CFAP43: variants seen among roughly 807,000 people sequenced by gnomAD.
CFAP43 encodes cilia- and flagella-associated protein 43.
CFAP43 carries 155 observed loss-of-function variants against 218.9 expected under a neutral mutation model. That is an observed-to-expected ratio of 0.71 (90% CI 0.62 to 0.81). The LOEUF is 0.81. Ranked by LOEUF, CFAP43 falls within the 30% of genes least tolerant of loss-of-function variation. The probability of loss-of-function intolerance (pLI) is 0.00; values close to 1 mark genes in which losing one functional copy is unlikely to be tolerated. For synonymous variants in CFAP43, 645 were observed against 681.3 expected, an observed-to-expected ratio of 0.95 and a Z score of 0.83; for missense variants, 1,778 against 1,954.3, an observed-to-expected ratio of 0.91 and a Z score of 1.70.
At chr10:104,185,785 T>C (rs1168455132) in intron 15 of CFAP43, among the ~76,000 whole-genome samples, 189 bp downstream of exon 15, 2 of 152,124 alleles carry the variant, frequency 1.3e-5, no homozygotes, top group Non-Finnish European at 2.9e-5. Flanking sequence ...TATAAAAGAG[T>C]ATTCTGTGAA....
chr10:104,130,478 C>T (rs2087127860), intron 37 of CFAP43, among the ~76,000 whole-genome samples, 173 bp from the exon 38 acceptor site: 1 of 152,132 alleles, frequency 6.6e-6, no homozygotes, highest in Admixed American at 6.6e-5. Flanking sequence ...CCTAGGTGCC[C>T]CATCAACAGT....
intron 13 of CFAP43, among the ~76,000 whole-genome samples, chr10:104,188,044 C>G (rs2090086916): frequency 6.6e-6 from 1 of 152,152 alleles, no homozygotes; most frequent in Non-Finnish European, 1.5e-5. Flanking sequence ...TCCGTTGATC[C>G]TATCTCTTTT....
chr10:104,162,208 G>A (rs1200844244), intron 25 of CFAP43, 109 bp downstream of exon 25: 4 of 1,254,834 alleles, frequency 3.2e-6, no homozygotes, highest in Non-Finnish European at 4.7e-6. Flanking sequence ...TGAGATTCAA[G>A]TGACCTCTGA....
intron 19 of CFAP43, among the ~76,000 whole-genome samples, chr10:104,173,195 A>C (rs986071777): frequency 1.3e-5 from 2 of 152,272 alleles, no homozygotes; most frequent in African/African-American, 4.8e-5. Context: ...TGGTAGACTG[A>C]GAATGAGTTT....
intron 18 of CFAP43, 105 bp downstream of exon 18, chr10:104,179,735 G>A: frequency 1.2e-6 from 1 of 837,338 alleles, no homozygotes; most frequent in Non-Finnish European, 2.0e-6. Context: ...GCCAAGTGGT[G>A]TCTCATTCCA....
At chr10:104,150,536 A>C (rs1470799543) in intron 28 of CFAP43, among the ~76,000 whole-genome samples, 1 of 152,164 alleles carries the variant, frequency 6.6e-6, no homozygotes, top group Non-Finnish European at 1.5e-5. Context: ...ATTTAAATGT[A>C]ACCTTTTCAG....
At chr10:104,144,025 A>G (rs899626084) in intron 31 of CFAP43, among the ~76,000 whole-genome samples, 1 of 152,186 alleles carries the variant, frequency 6.6e-6, no homozygotes, top group Admixed American at 6.5e-5. Flanking sequence ...GTTTTTATCT[A>G]CATTAATAGA....
chr10:104,187,214 A>T, intron 14 of CFAP43, 106 bp downstream of exon 14: 1 of 859,650 alleles, frequency 1.2e-6, no homozygotes, highest in Non-Finnish European at 1.6e-6. Context: ...GGCATTTGTT[A>T]ACTGAACTAT....
intron 9 of CFAP43, 57 bp downstream of exon 9, chr10:104,197,865 A>C: frequency 8.2e-7 from 1 of 1,226,284 alleles, no homozygotes; most frequent in Non-Finnish European, 1.2e-6. Context: ...GGGGATTTAA[A>C]TCTTGCAACA....
At chr10:104,133,979 A>C (rs1408402575) in intron 34 of CFAP43, among the ~76,000 whole-genome samples, 195 bp from the exon 35 acceptor site, 3 of 152,222 alleles carry the variant, frequency 2.0e-5, no homozygotes, top group Non-Finnish European at 2.9e-5. Context: ...ACTAAACAGA[A>C]GGGATTATAA....
intron 19 of CFAP43, among the ~76,000 whole-genome samples, chr10:104,176,190 G>A (rs1002004639): frequency 4.6e-5 from 7 of 152,076 alleles, no homozygotes; most frequent in African/African-American, 1.7e-4. Flanking sequence ...ACAGAGTCCA[G>A]CAACAATCCT....
chr10:104,219,262 G>A (rs762902228), intron 3 of CFAP43, among the ~76,000 whole-genome samples: 5 of 152,004 alleles, frequency 3.3e-5, no homozygotes, highest in Non-Finnish European at 5.9e-5. Flanking sequence ...TATTTAGTCA[G>A]TTACAAGTCT....
Position 104,172,418 on chromosome 10 carries a change from C to T in CFAP43, c.2578G>A (p.Val860Met). 6.2e-7 allele frequency: 1 copy of T among 1,608,086 alleles called. No homozygotes were observed. The highest frequency in any genetic ancestry group is 8.5e-7 in the Non-Finnish European group (1 of 1,178,594). ...ERLHDESQEE[V>M]AKMIKDVEMH... ...ATTATACTTTTTCATACCTTTGCCA[C>T]TTCTTCCTGACTTTCATCATGAAGC... is the stretch of plus-strand genomic sequence containing the variant. Residue 860 changes from valine to methionine, a missense_variant, in exon 20 of 38, where the codon GTG becomes ATG. Val to Met is a conservative substitution (Grantham distance 21). Coordinates refer to ENST00000357060, the MANE Select transcript of CFAP43 (RefSeq NM_025145.7).
intron 8 of CFAP43, among the ~76,000 whole-genome samples, chr10:104,202,532 T>A (rs1173230469): frequency 2.0e-5 from 3 of 152,214 alleles, no homozygotes; most frequent in African/African-American, 7.2e-5. Context: ...TTCACTGTAT[T>A]GTTCTTATCT....
Position 104,214,276 on chromosome 10 carries a change from C to T in CFAP43, c.567G>A (p.Glu189=), listed in dbSNP as rs760780941. The T allele has an allele frequency of 1.3e-6, 2 of 1,593,128 alleles. No homozygotes were observed. The highest frequency in any genetic ancestry group is 1.7e-6 in the Non-Finnish European group (2 of 1,171,136). Residue 189 remains glutamate, a synonymous_variant, in exon 4 of 38, where the codon GAG becomes GAA. Transcript: ENST00000357060. ...GCTCCTACCTTGCTCTGAAACAATG[C>T]TCCTGGTTACTTCTTTCAATGGTCC... is the stretch of plus-strand genomic sequence containing the variant. ...SVWTIERSNQ[E]HCFRARSVKL... is the part of the protein sequence containing the mutation.
intron 34 of CFAP43, 31 bp from the exon 35 acceptor site, chr10:104,133,815 A>G: frequency 1.9e-6 from 3 of 1,551,324 alleles, no homozygotes; most frequent in Non-Finnish European, 2.6e-6. Flanking sequence ...TATCCATATA[A>G]TATGATTCTG....
At chr10:104,221,679 C>T (rs2091185656) in intron 3 of CFAP43, among the ~76,000 whole-genome samples, 2 of 152,186 alleles carry the variant, frequency 1.3e-5, no homozygotes, top group African/African-American at 4.8e-5. Context: ...CTTTTGTTTT[C>T]CTGCTGGTTC....
At chr10:104,188,140 T>A (rs776886434) in intron 13 of CFAP43, 130 bp downstream of exon 13, 1 of 1,199,182 alleles carries the variant, frequency 8.3e-7, no homozygotes, top group Non-Finnish European at 1.1e-6. Context: ...GGTTTTACTT[T>A]GTAAAGATAG....
chr10:104,210,538 T>A (rs1371581242), intron 5 of CFAP43, among the ~76,000 whole-genome samples: 1 of 152,032 alleles, frequency 6.6e-6, no homozygotes, highest in Non-Finnish European at 1.5e-5. Flanking sequence ...AGCTAATTTT[T>A]AACACAAGGG....
Sources: allele counts gnomAD v4.1 joint callset (sites outside exome capture counted in the v4.1 genomes callset), GRCh38; gene constraint gnomAD v4.1.1; transcripts MANE v1.5; gene names NCBI Gene and HGNC (gene_info 2026-07-23, HGNC 2026-07-21).